The following GRK4 variants were observed in gnomAD, a reference collection of about 807,000 sequenced individuals.
The protein encoded by GRK4 is G protein-coupled receptor kinase 2-like.
GRK4 carries 73 observed loss-of-function variants against 77.9 expected under a neutral mutation model. The observed-to-expected ratio is 0.94, with a 90% CI of 0.78 to 1.14. The LOEUF (loss-of-function observed/expected upper bound fraction) is 1.14, where lower values mean the gene tolerates loss of function less well. GRK4 is among the 50% of genes most tolerant of loss of function. The probability of loss-of-function intolerance (pLI) is 0.00; values close to 1 mark genes in which losing one functional copy is unlikely to be tolerated. For missense variants in GRK4, 729 were observed against 700.2 expected, an observed-to-expected ratio of 1.04 and a Z score of -0.46; for synonymous variants, 257 against 254.4, an observed-to-expected ratio of 1.01 and a Z score of -0.10.
chr4:3,021,926 A>G (rs1246406168), intron 9 of GRK4, among the ~76,000 whole-genome samples: 3 of 152,116 alleles, frequency 2.0e-5, no homozygotes, highest in Non-Finnish European at 4.4e-5. Flanking sequence ...CACGGGACTC[A>G]CCATCAGTAG....
In GRK4 at chr4:3,010,930, T is replaced by C. The variant is rs142730349; in HGVS notation, c.600+1219T>C. On this transcript the variant is annotated intron_variant, in intron 7 of 15. Coordinates refer to ENST00000398052, the MANE Select transcript of GRK4 (RefSeq NM_182982.3). ...AACGTAGTTGTTACTTCAGGAGAAGTAACAGTACTGTCCCTCTGGTACAGT... is the reference window on the plus strand; with the variant it reads ...AACGTAGTTGTTACTTCAGGAGAAGCAACAGTACTGTCCCTCTGGTACAGT... Among the ~76,000 whole-genome samples the C allele has an allele frequency of 9.7e-4, 148 of 152,304 alleles. 1 individual carries two copies. The highest frequency in any genetic ancestry group is 3.5e-3 in the Admixed American group (53 of 15,294).
At chr4:3,029,081 T>C (rs1386276406) in intron 11 of GRK4, 120 bp from the exon 12 acceptor site, 3 of 776,958 alleles carry the variant, frequency 3.9e-6, no homozygotes, top group Non-Finnish European at 6.2e-6. Context: ...CTTAACATAA[T>C]GTTTTTAAGG....
chr4:3,034,948 T>C (rs2110080027), intron 12 of GRK4, among the ~76,000 whole-genome samples: 1 of 152,274 alleles, frequency 6.6e-6, no homozygotes, highest in South Asian at 2.1e-4. Context: ...GAGGTCTGCT[T>C]GATGCTTGGA....
intron 8 of GRK4, among the ~76,000 whole-genome samples, chr4:3,014,867 T>C (rs1733998884): frequency 6.6e-6 from 1 of 152,124 alleles, no homozygotes; most frequent in Non-Finnish European, 1.5e-5. Flanking sequence ...GCTCAAGTGA[T>C]CCACCTGCCT....
rs1479107805 is a variant in GRK4, at chr4:2,964,050, C to T, written c.-21C>T. 3 of 1,602,262 alleles carry T rather than the reference C, an allele frequency of 1.9e-6. No homozygotes were observed. Among genetic ancestry groups the T allele is most frequent in the Non-Finnish European group, 1.7e-6 (2 of 1,174,812 alleles). ...GTCTCCTCGGTCTCGCAGAATCCGC[C>T]GGCGGCGGCGGCGCCAGGACATGGA... On this transcript the variant is annotated 5_prime_UTR_variant, in exon 1 of 16. Transcript: ENST00000398052.
intron 10 of GRK4, among the ~76,000 whole-genome samples, chr4:3,023,395 C>G (rs1736597363): frequency 6.6e-6 from 1 of 152,200 alleles, no homozygotes; most frequent in Non-Finnish European, 1.5e-5. Flanking sequence ...GTCTTACAGT[C>G]TAGTAGAGCA....
chr4:2,968,101 T>TG (rs1718343422), intron 1 of GRK4, among the ~76,000 whole-genome samples: 1 of 152,058 alleles, frequency 6.6e-6, no homozygotes, highest in South Asian at 2.1e-4. Context: ...TGTTTTGTTT[T>TG]TTTTTTTAAT....
chr4:3,001,374 T>A (rs866038380), intron 4 of GRK4, among the ~76,000 whole-genome samples: 118 of 143,962 alleles, frequency 8.2e-4, no homozygotes, highest in African/African-American at 1.2e-3. Context: ...TATATATTTT[T>A]TTTTTTTTTG....
At position 3,016,001 on chromosome 4, in the gene GRK4, C is replaced by T. The variant is rs957314000; in HGVS notation, c.741+2173C>T. 2.6e-5 allele frequency among the ~76,000 whole-genome samples: 4 copies of T among 151,056 alleles called. No homozygotes were observed. In the East Asian group the frequency reaches 6.2e-4, roughly 23 times the overall value. ...TTGGCTCACTGCAACATCCGGCTCC[C>T]GGGCTCAAGTGATTCTCCTGCCTCA... On this transcript the variant is annotated intron_variant, in intron 8 of 15. Coordinates refer to ENST00000398052, the MANE Select transcript of GRK4 (RefSeq NM_182982.3).
At chr4:3,010,699 G>A (rs181052554) in intron 7 of GRK4, among the ~76,000 whole-genome samples, 3 of 152,326 alleles carry the variant, frequency 2.0e-5, no homozygotes, top group African/African-American at 7.2e-5. Context: ...AGCCAGGCAA[G>A]CCATTGGCAA....
At chr4:2,968,133 A>G (rs1718356272) in intron 1 of GRK4, among the ~76,000 whole-genome samples, 1 of 151,830 alleles carries the variant, frequency 6.6e-6, no homozygotes, top group Non-Finnish European at 1.5e-5. Context: ...TCCCTGTATA[A>G]TATTATTTGT....
intron 10 of GRK4, among the ~76,000 whole-genome samples, chr4:3,023,456 C>A (rs952316856): frequency 6.6e-6 from 1 of 152,282 alleles, no homozygotes; most frequent in African/African-American, 2.4e-5. Flanking sequence ...GCGTCTAAGG[C>A]GGAGATTGAG....
chr4:2,970,363 T>C (rs1408330471), intron 1 of GRK4, among the ~76,000 whole-genome samples: 1 of 152,146 alleles, frequency 6.6e-6, no homozygotes, highest in Non-Finnish European at 1.5e-5. Context: ...ACTGATACTA[T>C]AAAATAATAT....
chr4:2,976,176 T>TTCTCTTTC (rs774775217), intron 1 of GRK4, among the ~76,000 whole-genome samples: 2 of 151,926 alleles, frequency 1.3e-5, no homozygotes, highest in African/African-American at 2.4e-5. Context: ...ATTGTTTTCT[T>TTCTCTTTC]TCTCTTTCTC....
chr4:3,007,808 A>T lies in GRK4; in HGVS notation c.516A>T (p.Leu172Phe), dbSNP rs1450763680. Residue 172 changes from leucine to phenylalanine, a missense_variant, in exon 6 of 16, where the codon TTA (leucine) becomes TTT (phenylalanine). Coordinates refer to ENST00000398052, the MANE Select transcript of GRK4 (RefSeq NM_182982.3). ...AAAGCTCATATTTTTCTCAGTTTTT[A>T]CAATGGAAATGGCTGGAAAGGTATG... The part of the protein sequence containing the change: ...YQESSYFSQF[L>F]QWKWLERQPV... The T allele has an allele frequency of 5.9e-5, 95 of 1,611,994 alleles. No homozygotes were observed. Among genetic ancestry groups the T allele is most frequent in the Non-Finnish European group, 7.6e-5 (90 of 1,178,830 alleles).
chr4:3,021,918 C>T (rs761188872), intron 9 of GRK4, among the ~76,000 whole-genome samples: 8 of 152,122 alleles, frequency 5.3e-5, no homozygotes, highest in South Asian at 2.1e-4. Flanking sequence ...GCTGTGTCCA[C>T]GGGACTCACC....
intron 4 of GRK4, among the ~76,000 whole-genome samples, chr4:2,995,528 A>T (rs1158192028): frequency 6.6e-6 from 1 of 151,484 alleles, no homozygotes; most frequent in Non-Finnish European, 1.5e-5. Context: ...AAAAAAAAAA[A>T]AAATTAACTG....
chr4:2,977,591 C>T (rs1025211734), intron 1 of GRK4, among the ~76,000 whole-genome samples: 3 of 152,112 alleles, frequency 2.0e-5, no homozygotes, highest in African/African-American at 4.8e-5. Context: ...ACGTTGAGGG[C>T]GGTCAGGGAG....
intron 4 of GRK4, among the ~76,000 whole-genome samples, chr4:2,992,838 G>T (rs1007343281): frequency 4.0e-5 from 6 of 151,898 alleles, no homozygotes; most frequent in African/African-American, 1.5e-4. Context: ...AAAAAAATTA[G>T]CTAAGCATGG....
Sources: gnomAD v4.1 joint callset for allele counts (sites outside exome capture counted in the v4.1 genomes callset) on GRCh38, gnomAD v4.1.1 for gene constraint, MANE v1.5 for transcripts, NCBI Gene and HGNC (gene_info 2026-07-23, HGNC 2026-07-21) for gene names.